The following C14orf132 variants were observed in gnomAD, a reference collection of about 807,000 sequenced individuals.
C14orf132 encodes uncharacterized protein C14orf132.
Under a neutral mutation model 5.8 loss-of-function variants are expected in C14orf132, and 6 were observed. The ratio of observed to expected loss-of-function variants is 1.03; its 90% confidence interval spans 0.57 to 2.04. The LOEUF is 2.04. C14orf132 is among the 30% of genes most tolerant of loss of function. The probability of loss-of-function intolerance (pLI) is 0.00; values close to 1 mark genes in which losing one functional copy is unlikely to be tolerated. For missense variants in C14orf132, 125 were observed against 115.8 expected, an observed-to-expected ratio of 1.08 and a Z score of -0.37; for synonymous variants, 51 against 49.8, an observed-to-expected ratio of 1.02 and a Z score of -0.10.
chr14:96,064,690 G>A (rs1479869946), intron 1 of C14orf132, among the ~76,000 whole-genome samples: 1 of 151,668 alleles, frequency 6.6e-6, no homozygotes, highest in Non-Finnish European at 1.5e-5. Context: ...GTGGAAGAGG[G>A]GGCATAAAAG....
chr14:96,084,049 T>G (rs1385010032), intron 1 of C14orf132, among the ~76,000 whole-genome samples: 1 of 152,304 alleles, frequency 6.6e-6, no homozygotes, highest in East Asian at 1.9e-4. Flanking sequence ...CCCCAGTGAT[T>G]TGGATGAAAA....
At chr14:96,064,722 C>A (rs187645789) in intron 1 of C14orf132, among the ~76,000 whole-genome samples, 11 of 152,028 alleles carry the variant, frequency 7.2e-5, no homozygotes, top group South Asian at 4.1e-4. Context: ...GGTGCAGTGT[C>A]TACTGCTCGG....
At chr14:96,063,685 C>A in intron 1 of C14orf132, among the ~76,000 whole-genome samples, 1 of 152,074 alleles carries the variant, frequency 6.6e-6, no homozygotes, top group East Asian at 1.9e-4. Flanking sequence ...ACCAAGAACC[C>A]AAAAGCAAAT....
chr14:96,081,960 G>T (rs979636463), intron 1 of C14orf132, among the ~76,000 whole-genome samples: 2 of 152,008 alleles, frequency 1.3e-5, no homozygotes, highest in Non-Finnish European at 2.9e-5. Flanking sequence ...TATCTCCTCC[G>T]ATAGGGAAAC....
intron 1 of C14orf132, among the ~76,000 whole-genome samples, chr14:96,047,530 C>T (rs1886862369): frequency 1.3e-5 from 2 of 152,158 alleles, no homozygotes; most frequent in Non-Finnish European, 2.9e-5. Context: ...ATCACAGCTA[C>T]CATTCAACAG....
chr14:96,076,336 T>C (rs1595187556), intron 1 of C14orf132, among the ~76,000 whole-genome samples: 1 of 152,234 alleles, frequency 6.6e-6, no homozygotes, highest in Non-Finnish European at 1.5e-5. Flanking sequence ...TGGCGAGAGG[T>C]TTATCATTGT....
At chr14:96,062,919 C>A (rs970113474) in intron 1 of C14orf132, among the ~76,000 whole-genome samples, 1 of 152,240 alleles carries the variant, frequency 6.6e-6, no homozygotes, top group East Asian at 1.9e-4. Flanking sequence ...TTTGCCCAAA[C>A]AAGCCACTGA....
chr14:96,060,425 A>G (rs1887316615), intron 1 of C14orf132, among the ~76,000 whole-genome samples: 1 of 152,212 alleles, frequency 6.6e-6, no homozygotes, highest in South Asian at 2.1e-4. Context: ...TGACCAGCCA[A>G]GTGAGCTGCG....
intron 1 of C14orf132, among the ~76,000 whole-genome samples, chr14:96,069,847 A>G (rs1418411050): frequency 1.3e-5 from 2 of 152,160 alleles, no homozygotes; most frequent in African/African-American, 4.8e-5. Context: ...GCAAACACCA[A>G]CCAACCTTTA....
intron 1 of C14orf132, among the ~76,000 whole-genome samples, chr14:96,055,934 G>C (rs1595173442): frequency 6.6e-6 from 1 of 152,170 alleles, no homozygotes; most frequent in Non-Finnish European, 1.5e-5. Context: ...AGCCCGGGTC[G>C]CACCTAGGCT....
At chr14:96,048,780 C>A (rs1251529398) in intron 1 of C14orf132, among the ~76,000 whole-genome samples, 1 of 152,120 alleles carries the variant, frequency 6.6e-6, no homozygotes, top group African/African-American at 2.4e-5. Flanking sequence ...CCTGCCTCGG[C>A]CTCCCAAAGT....
At chr14:96,071,655 G>T (rs1375515466) in intron 1 of C14orf132, among the ~76,000 whole-genome samples, 1 of 152,222 alleles carries the variant, frequency 6.6e-6, no homozygotes, top group African/African-American at 2.4e-5. Context: ...GGGTTCAGAT[G>T]GCAGCCTGTG....
intron 1 of C14orf132, among the ~76,000 whole-genome samples, chr14:96,052,274 C>T (rs1444269197): frequency 6.6e-6 from 1 of 152,262 alleles, no homozygotes; most frequent in Non-Finnish European, 1.5e-5. Context: ...TGGATTGTGG[C>T]TGAAGCCAGG....
intron 1 of C14orf132, among the ~76,000 whole-genome samples, chr14:96,069,179 G>GCA (rs1887623448): frequency 4.1e-5 from 2 of 48,762 alleles, no homozygotes; most frequent in Non-Finnish European, 1.0e-4. Flanking sequence ...ATATATATAT[G>GCA]TATATATATA....
chr14:96,076,353 T>C (rs1374149946), intron 1 of C14orf132, among the ~76,000 whole-genome samples: 1 of 152,254 alleles, frequency 6.6e-6, no homozygotes, highest in South Asian at 2.1e-4. Context: ...TTGTTATTGA[T>C]CTTTTAAAAG....
intron 1 of C14orf132, among the ~76,000 whole-genome samples, chr14:96,048,431 A>G (rs1164969378): frequency 6.6e-6 from 1 of 152,194 alleles, no homozygotes; most frequent in East Asian, 1.9e-4. Flanking sequence ...CATAGTTGGA[A>G]TTATTCAGTA....
chr14:96,068,241 T>C (rs1887592121), intron 1 of C14orf132, among the ~76,000 whole-genome samples: 1 of 152,188 alleles, frequency 6.6e-6, no homozygotes, highest in African/African-American at 2.4e-5. Context: ...AGATTATGTT[T>C]TTTCAGCAAA....
Position 96,091,126 on chromosome 14 carries a change from G to T in C14orf132, c.*4391G>T, listed in dbSNP as rs2139692788. 6 of 413,168 alleles carry T rather than the reference G, an allele frequency of 1.5e-5. No homozygotes were observed. Among genetic ancestry groups the T allele is most frequent in the South Asian group, 1.1e-4 (6 of 54,738 alleles). The allele number at this position is 413,168 out of a possible 1,614,324, so 25.6% of individuals were successfully genotyped here. On this transcript the variant is annotated 3_prime_UTR_variant, in exon 2 of 2. Coordinates refer to ENST00000555004, the MANE Select transcript of C14orf132 (RefSeq NM_001252507.3). The stretch of plus-strand genomic sequence containing the variant: ...CCAGGGCTGAACGCTCACAGCTAAG[G>T]AGCTGTGATTCAGACCCAGTTCTGT...
intron 1 of C14orf132, among the ~76,000 whole-genome samples, chr14:96,078,498 C>T (rs1050215216): frequency 3.0e-4 from 46 of 152,192 alleles, no homozygotes; most frequent in Admixed American, 5.2e-4. Context: ...CAGCTGTTGC[C>T]GCCTTCTTGC....
Sources: allele counts gnomAD v4.1 joint callset (sites outside exome capture counted in the v4.1 genomes callset), GRCh38; gene constraint gnomAD v4.1.1; transcripts MANE v1.5; gene names NCBI Gene and HGNC (gene_info 2026-07-23, HGNC 2026-07-21).